The following CARD19 variants were observed in gnomAD, a reference collection of about 807,000 sequenced individuals.
CARD19 encodes caspase recruitment domain family member 19.
Under a neutral mutation model 24.1 loss-of-function variants are expected in CARD19, and 25 were observed. That is an observed-to-expected ratio of 1.04 (90% CI 0.76 to 1.45). The LOEUF is 1.45. Ranked by LOEUF, CARD19 falls within the 40% of genes most tolerant of loss-of-function variation. CARD19 has a pLI of 0.00. For synonymous variants in CARD19, 103 were observed against 104.9 expected (o/e 0.98, Z 0.11); for missense variants, 241 against 247.4 (o/e 0.97, Z 0.17).
Position 93,113,005 on chromosome 9 carries a change from G to A in CARD19, c.450G>A (p.Leu150=), listed in dbSNP as rs1827561783. 3.7e-6 allele frequency: 6 copies of A among 1,608,496 alleles called. No homozygotes were observed. The South Asian group carries it at 5.6e-5, about 15-fold the overall frequency. The stretch of plus-strand genomic sequence containing the variant: ...TTTGTCTTCTAGACCCCAAGGGCCT[G>A]CCAGGGACCCGGCGCGTCCTCGGTT... The part of the protein sequence containing the change: ...LYCYPPDPKG[L]PGTRRVLGFS... The change falls in exon 6 of 6, where the codon CTG becomes CTA. Residue 150 remains leucine, a synonymous_variant. Transcript: ENST00000375464.
intron 3 of CARD19, chr9:93,111,514 T>G: frequency 8.7e-7 from 1 of 1,150,058 alleles, no homozygotes. Flanking sequence ...CAGAACACAG[T>G]GCAGACGGTG....
At chr9:93,108,818 A>T (rs940241666) in intron 2 of CARD19, among the ~76,000 whole-genome samples, 2 of 152,178 alleles carry the variant, frequency 1.3e-5, no homozygotes, top group East Asian at 3.9e-4. Flanking sequence ...TCTGCTGGAG[A>T]TGGCATTTAA....
At chr9:93,110,765 G>T in intron 3 of CARD19, 44 bp downstream of exon 3, 1 of 1,581,480 alleles carries the variant, frequency 6.3e-7, no homozygotes. Context: ...TGCTGGCCCG[G>T]GGAGGGCACC....
intron 2 of CARD19, among the ~76,000 whole-genome samples, chr9:93,108,297 C>T (rs545274860): frequency 1.5e-4 from 23 of 152,268 alleles, no homozygotes; most frequent in African/African-American, 5.3e-4. Context: ...AGGTTCAAAG[C>T]GGGCAAACAA....
At chr9:93,103,997 C>G (rs1242834444) in intron 1 of CARD19, among the ~76,000 whole-genome samples, 3 of 152,138 alleles carry the variant, frequency 2.0e-5, no homozygotes, top group Non-Finnish European at 4.4e-5. Flanking sequence ...TCTTCTAGAC[C>G]TAATTAATTG....
In CARD19 at chr9:93,112,603, C is replaced by A. The variant is rs371831958; in HGVS notation, c.436+314C>A. On this transcript the variant is annotated intron_variant, in intron 5 of 5. Coordinates refer to ENST00000375464, the MANE Select transcript of CARD19 (RefSeq NM_032310.5). ...CCTTGAACCATGTGGGGCCCTTGAG[C>A]AGGTCACGTGCCCCAGGGCCTTGGG... 2.2e-4 allele frequency among the ~76,000 whole-genome samples: 33 copies of A among 152,320 alleles called. No homozygotes were observed. The East Asian group carries it at 2.9e-3, about 13-fold the overall frequency.
At chr9:93,100,538 T>C (rs911564011) in intron 1 of CARD19, among the ~76,000 whole-genome samples, 5 of 152,242 alleles carry the variant, frequency 3.3e-5, no homozygotes, top group Admixed American at 3.3e-4. Context: ...ATTTATCCAT[T>C]TACATTTTTT....
rs1298793758 is a variant in CARD19, at chr9:93,110,595, G to A, written c.178G>A (p.Val60Met). 1 of 1,611,850 alleles carries A rather than the reference G, an allele frequency of 6.2e-7. No individual in the cohort carries two copies. The highest frequency in any genetic ancestry group is 1.3e-5 in the African/African-American group (1 of 74,882). ...CCGGAACCCCAAGGCATCCTTGCGT[G>A]TGCGGCTCTGTGACCTCCTGAGCCA... Reference protein sequence around the residue: ...KFRNPKASLRVRLCDLLSHLQ... With the variant: ...KFRNPKASLRMRLCDLLSHLQ... The change falls in exon 3 of 6, where the codon GTG (valine) becomes ATG (methionine). Residue 60 changes from valine to methionine, a missense_variant. Transcript: ENST00000375464.
intron 1 of CARD19, among the ~76,000 whole-genome samples, chr9:93,098,506 G>T (rs1016475423): frequency 1.3e-5 from 2 of 152,306 alleles, no homozygotes; most frequent in Admixed American, 6.5e-5. Flanking sequence ...GAAGGAAGGG[G>T]ATGTAGGGCG....
intron 3 of CARD19, chr9:93,110,964 C>T: frequency 6.6e-7 from 1 of 1,521,894 alleles, no homozygotes; most frequent in African/African-American, 1.4e-5. Flanking sequence ...TCCTCCGTCT[C>T]TCTCTCATGG....
In CARD19 at chr9:93,106,588, A is replaced by AC. The variant is rs1281052707; in HGVS notation, c.8-1086_8-1085insC. Among the ~76,000 whole-genome samples, 8 of 151,786 alleles carry AC rather than the reference A, an allele frequency of 5.3e-5. No individual in the cohort carries two copies. In the South Asian group the frequency reaches 1.0e-3, roughly 20 times the overall value. ...ATCTCAAAAAAAAACAAAAAAAAAA[A>AC]AACAAAGTTTAACCTATTTGCATTT... On this transcript the variant is annotated intron_variant, in intron 1 of 5. Coordinates refer to ENST00000375464, the MANE Select transcript of CARD19 (RefSeq NM_032310.5).
At chr9:93,111,813 C>A in intron 3 of CARD19, 66 bp from the exon 4 acceptor site, 5 of 1,584,826 alleles carry the variant, frequency 3.2e-6, no homozygotes, top group Non-Finnish European at 4.3e-6. Context: ...GGGCTTCCTG[C>A]GGGGTGACTA....
chr9:93,108,726 A>G (rs1827355160), intron 2 of CARD19, among the ~76,000 whole-genome samples: 1 of 152,148 alleles, frequency 6.6e-6, no homozygotes, highest in African/African-American at 2.4e-5. Context: ...ATTATTTGGG[A>G]AAGTGCCCAG....
At chr9:93,098,787 G>A (rs375416782) in intron 1 of CARD19, among the ~76,000 whole-genome samples, 8 of 152,202 alleles carry the variant, frequency 5.3e-5, no homozygotes, top group South Asian at 2.1e-4. Flanking sequence ...CTGCAGCAGC[G>A]GAGGCTCTGC....
At position 93,111,946 on chromosome 9, in the gene CARD19, C is replaced by A. The variant is rs1204841122; in HGVS notation, c.364+8C>A. On this transcript the variant is annotated splice_region_variant and intron_variant, in intron 4 of 5. Transcript: ENST00000375464. ...GCGAGCTGAGTAACAGGGGTAACAC[C>A]TCCCTGCTGCCCCTCCCTCTCTCTC... is the stretch of plus-strand genomic sequence containing the variant. 6.2e-7 allele frequency: 1 copy of A among 1,609,390 alleles called. No homozygotes were observed. Among genetic ancestry groups the A allele is most frequent in the Admixed American group, 1.7e-5 (1 of 59,758 alleles).
At chr9:93,108,242 C>T (rs7032929) in intron 2 of CARD19, among the ~76,000 whole-genome samples, 146,667 of 152,282 alleles carry the variant, frequency 0.96, 70,685 homozygotes, top group African/African-American at 0.99. Context: ...ATAATGGGCC[C>T]GGCCCACCCC....
intron 1 of CARD19, among the ~76,000 whole-genome samples, chr9:93,099,296 G>A (rs768388543): frequency 3.3e-5 from 5 of 152,212 alleles, no homozygotes; most frequent in Non-Finnish European, 5.9e-5. Flanking sequence ...AGCCTTGGGC[G>A]TGCTTTTGGA....
In CARD19 at chr9:93,111,953, C is replaced by T; in HGVS notation, c.364+15C>T. 6.2e-7 allele frequency: 1 copy of T among 1,607,244 alleles called. No individual in the cohort carries two copies. The highest frequency in any genetic ancestry group is 8.5e-7 in the Non-Finnish European group (1 of 1,177,744). ...GAGTAACAGGGGTAACACCTCCCTG[C>T]TGCCCCTCCCTCTCTCTCCCTCTCT... On this transcript the variant is annotated intron_variant, in intron 4 of 5. Coordinates refer to ENST00000375464, the MANE Select transcript of CARD19 (RefSeq NM_032310.5).
At chr9:93,110,423 C>A in intron 2 of CARD19, 145 bp from the exon 3 acceptor site, 1 of 1,324,436 alleles carries the variant, frequency 7.6e-7, no homozygotes, top group Admixed American at 2.5e-5. Flanking sequence ...GGGTAAGGGG[C>A]AGGTTGTCAC....
Sources: allele counts gnomAD v4.1 joint callset (sites outside exome capture counted in the v4.1 genomes callset), GRCh38; gene constraint gnomAD v4.1.1; transcripts MANE v1.5; gene names NCBI Gene and HGNC (gene_info 2026-07-23, HGNC 2026-07-21).